SIK3: variants seen among roughly 807,000 people sequenced by gnomAD.
SIK3 encodes SIK family kinase 3.
In SIK3, 28 loss-of-function variants were observed where a neutral mutation model predicts 144.2. The ratio of observed to expected loss-of-function variants is 0.19; its 90% CI spans 0.14 to 0.27. The LOEUF is 0.27. Among genes scored for constraint, SIK3 ranks in the 10% least tolerant of loss-of-function variants. The pLI, the probability that SIK3 is intolerant of heterozygous loss-of-function variation, is 1.00. For synonymous variants in SIK3, 686 were observed against 676.3 expected, an observed-to-expected ratio of 1.01 and a Z score of -0.22; for missense variants, 1,319 against 1,776.0, an observed-to-expected ratio of 0.74 and a Z score of 4.62.
At chr11:116,891,889 T>C (rs760789385) in intron 6 of SIK3, among the ~76,000 whole-genome samples, 3 of 152,130 alleles carry the variant, frequency 2.0e-5, no homozygotes, top group Non-Finnish European at 4.4e-5. Context: ...GAGGGTTGAA[T>C]TGACAGGATT....
At chr11:117,083,049 G>C (rs1954857275) in intron 1 of SIK3, among the ~76,000 whole-genome samples, 1 of 152,090 alleles carries the variant, frequency 6.6e-6, no homozygotes, top group African/African-American at 2.4e-5. Flanking sequence ...ACTAAATTTT[G>C]GTTTTCAAAA....
intron 1 of SIK3, among the ~76,000 whole-genome samples, chr11:117,031,310 C>T (rs189515856): frequency 1.3e-5 from 2 of 150,118 alleles, no homozygotes; most frequent in Admixed American, 6.6e-5. Context: ...CCATGATCCA[C>T]TCTCAGTTAA....
At chr11:116,945,104 C>T (rs1441373212) in intron 3 of SIK3, among the ~76,000 whole-genome samples, 4 of 152,034 alleles carry the variant, frequency 2.6e-5, no homozygotes, top group African/African-American at 9.7e-5. Context: ...GGACTACAGG[C>T]GTCCGCCACC....
rs1437704457 is a variant in SIK3 at position 116,849,671 on chromosome 11, T to C, written c.3656-388A>G. 6.6e-6 allele frequency among the ~76,000 whole-genome samples: 1 copy of C among 152,136 alleles called. No homozygotes were observed. The highest frequency in any genetic ancestry group is 1.5e-5 in the Non-Finnish European group (1 of 68,016). ...ATCTGTTCTGTGGCTGGCTGCGTCCTCTCTCCTCCCCCGGTGACCTCAGTG... is the reference window on the plus strand; with the variant it reads ...ATCTGTTCTGTGGCTGGCTGCGTCCCCTCTCCTCCCCCGGTGACCTCAGTG... On this transcript the variant is annotated intron_variant, in intron 21 of 24. Transcript: ENST00000445177. This position sits in a 1 kb window ranked among gnomAD's most constrained non-coding sequence, Gnocchi z 4.2.
intron 19 of SIK3, 152 bp from the exon 20 acceptor site, chr11:116,859,756 A>C (rs1201773014): frequency 1.2e-5 from 8 of 669,584 alleles, no homozygotes; most frequent in Non-Finnish European, 2.0e-5. Context: ...AGAACTTGTT[A>C]AACAGAAGAT....
chr11:117,041,053 T>A (rs1952721649), intron 1 of SIK3, among the ~76,000 whole-genome samples: 1 of 151,290 alleles, frequency 6.6e-6, no homozygotes, highest in South Asian at 2.1e-4. Context: ...ATACATTGGA[T>A]CTCCAGAATA....
intron 3 of SIK3, among the ~76,000 whole-genome samples, chr11:116,933,936 T>C (rs1451777517): frequency 7.9e-5 from 12 of 152,190 alleles, no homozygotes; most frequent in Admixed American, 7.9e-4. Flanking sequence ...GCAGAAATAC[T>C]CCTGCCACAG....
At chr11:116,979,490 C>A (rs1352769283) in intron 1 of SIK3, among the ~76,000 whole-genome samples, 1 of 151,982 alleles carries the variant, frequency 6.6e-6, no homozygotes, top group African/African-American at 2.4e-5. Flanking sequence ...AACATATATG[C>A]AAAAATGTGG....
intron 1 of SIK3, among the ~76,000 whole-genome samples, chr11:117,095,784 A>G (rs1470755058): frequency 6.6e-6 from 1 of 152,258 alleles, no homozygotes; most frequent in African/African-American, 2.4e-5. Context: ...CAAAAGATAT[A>G]GCACTTGTAA....
rs528236038 is a variant in SIK3 at position 117,077,252 on chromosome 11, T to C, written c.273+20891A>G. On this transcript the variant is annotated intron_variant, in intron 1 of 24. Coordinates refer to ENST00000445177, the MANE Select transcript of SIK3 (RefSeq NM_001366686.3). Reference sequence around the variant, plus strand: ...ATGCTACCTCCATTCTTGCTCCCTATGGCAAGCAGGTTATTTTTGGACCTA... The same window carrying C: ...ATGCTACCTCCATTCTTGCTCCCTACGGCAAGCAGGTTATTTTTGGACCTA... 3.3e-5 allele frequency among the ~76,000 whole-genome samples: 5 copies of C among 152,350 alleles called. No homozygotes were observed. The East Asian group carries it at 5.8e-4, about 18-fold the overall frequency.
intron 1 of SIK3, among the ~76,000 whole-genome samples, chr11:116,994,128 C>T (rs961933551): frequency 2.6e-5 from 4 of 152,228 alleles, no homozygotes; most frequent in African/African-American, 9.6e-5. Context: ...AGCCTCCCTT[C>T]TCCAGCCTTA....
chr11:116,900,741 C>A (rs1252882673), intron 4 of SIK3, among the ~76,000 whole-genome samples: 2 of 152,180 alleles, frequency 1.3e-5, no homozygotes, highest in Non-Finnish European at 2.9e-5. Context: ...TGTATGAAGG[C>A]TTAACTGATT....
chr11:116,965,732 AAAAT>A (rs1320645932), intron 1 of SIK3, among the ~76,000 whole-genome samples: 9 of 77,310 alleles, frequency 1.2e-4, no homozygotes, highest in Admixed American at 5.8e-4. Context: ...CGTCTCTGCT[AAAAT>A]ATATATATAT....
intron 1 of SIK3, among the ~76,000 whole-genome samples, chr11:117,003,975 A>G (rs1294285322): frequency 3.3e-5 from 5 of 152,208 alleles, no homozygotes; most frequent in Non-Finnish European, 7.3e-5. Context: ...GCATCTATCT[A>G]CAAAAATTAT....
At chr11:117,090,400 A>G (rs897741623) in intron 1 of SIK3, among the ~76,000 whole-genome samples, 3 of 151,934 alleles carry the variant, frequency 2.0e-5, no homozygotes, top group East Asian at 3.9e-4. Flanking sequence ...AAAAAAAAAA[A>G]GAGGAACCCT....
At chr11:117,023,600 AC>A (rs1565567546) in intron 1 of SIK3, among the ~76,000 whole-genome samples, 5 of 51,888 alleles carry the variant, frequency 9.6e-5, no homozygotes, top group East Asian at 8.3e-4. Context: ...AAACAAACAA[AC>A]AAACAAACAA....
chr11:117,070,642 C>T (rs911335548), intron 1 of SIK3, among the ~76,000 whole-genome samples: 4 of 151,778 alleles, frequency 2.6e-5, no homozygotes, highest in Non-Finnish European at 4.4e-5. Context: ...GACAGGGTTT[C>T]GCCATGTTGG....
chr11:116,897,669 T>C (rs1945484794), intron 4 of SIK3, among the ~76,000 whole-genome samples: 1 of 152,272 alleles, frequency 6.6e-6, no homozygotes, highest in South Asian at 2.1e-4. Flanking sequence ...GGTGGGCGGA[T>C]CACGAGGTCA....
intron 1 of SIK3, among the ~76,000 whole-genome samples, chr11:117,059,479 G>C (rs566435458): frequency 4.6e-5 from 7 of 152,310 alleles, no homozygotes; most frequent in Non-Finnish European, 1.0e-4. Context: ...CTCTTAGAGA[G>C]ACAAAGAAAG....
Sources: allele counts gnomAD v4.1 joint callset (sites outside exome capture counted in the v4.1 genomes callset), GRCh38; gene constraint gnomAD v4.1.1; non-coding constraint Gnocchi (gnomAD v3.1); transcripts MANE v1.5; gene names NCBI Gene and HGNC (gene_info 2026-07-23, HGNC 2026-07-21).